Variants in PLA2G2D observed in about 807,000 individuals in gnomAD.
The protein encoded by PLA2G2D is group IID secretory phospholipase A2.
A neutral mutation model predicts 13.9 loss-of-function variants in PLA2G2D; 17 were observed. The ratio of observed to expected loss-of-function variants is 1.23; its 90% CI spans 0.84 to 1.84. PLA2G2D has a LOEUF of 1.84. Ranked by LOEUF, PLA2G2D falls within the 40% of genes most tolerant of loss-of-function variation. The probability of loss-of-function intolerance (pLI) is 0.00; values close to 1 mark genes in which losing one functional copy is unlikely to be tolerated. For missense variants in PLA2G2D, 194 were observed against 178.7 expected (o/e 1.09, Z -0.49); for synonymous variants, 83 against 69.3 (o/e 1.20, Z -0.98).
intron 3 of PLA2G2D, among the ~76,000 whole-genome samples, chr1:20,114,587 T>C (rs1032002143): frequency 1.1e-4 from 16 of 152,116 alleles, no homozygotes; most frequent in African/African-American, 3.4e-4. Flanking sequence ...AAAGTTAACA[T>C]GAGGAACCAT....
chr1:20,119,416 C>G, intron 1 of PLA2G2D, 43 bp downstream of exon 1: 12 of 1,548,696 alleles, frequency 7.7e-6, no homozygotes, highest in Non-Finnish European at 9.8e-6. Flanking sequence ...GTACACTGGC[C>G]TCCCTCCTTC....
chr1:20,116,471 A>T lies in PLA2G2D; in HGVS notation c.47T>A (p.Ile16Asn). 6.2e-7 allele frequency: 1 copy of T among 1,614,124 alleles called. No individual in the cohort carries two copies. Among genetic ancestry groups the T allele is most frequent in the South Asian group, 1.1e-5 (1 of 91,080 alleles). Residue 16 changes from isoleucine (I) to asparagine (N), a missense_variant, in exon 2 of 4, where the codon ATT (isoleucine) becomes AAT (asparagine). Physicochemically the swap from Ile to Asn is moderately radical, Grantham distance 149. Transcript: ENST00000375105. Reference sequence around the variant, plus strand: ...GTTCAGGATCCCGCCCTGGATTGGAATCACACCTGCCAAGCAGCCCAGCAA... The same window carrying T: ...GTTCAGGATCCCGCCCTGGATTGGATTCACACCTGCCAAGCAGCCCAGCAA... ...LCGLVVMAGV[I>N]PIQGGILNLN...
At chr1:20,119,396 G>C (rs2017048166) in intron 1 of PLA2G2D, 63 bp downstream of exon 1, 4 of 1,392,812 alleles carry the variant, frequency 2.9e-6, no homozygotes, top group Non-Finnish European at 4.1e-6. Context: ...CTGGGAAAGA[G>C]AGCACAGGGG....
In PLA2G2D at chr1:20,115,611, C is replaced by T; in HGVS notation, c.188G>A (p.Cys63Tyr). The T allele has an allele frequency of 6.2e-7, 1 of 1,601,086 alleles. No homozygotes were observed. ...RGQPKDATDW[C>Y]CQTHDCCYDH... The stretch of plus-strand genomic sequence containing the variant: ...ATAGCAGCAGTCATGGGTCTGGCAG[C>T]ACCTGGAGCAGACAGGGTGCACAGC... Residue 63 changes from cysteine to tyrosine, a missense_variant and splice_region_variant, in exon 3 of 4, where the codon TGC becomes TAC. Physicochemically the swap from Cys to Tyr is radical, Grantham distance 194. Coordinates refer to ENST00000375105, the MANE Select transcript of PLA2G2D (RefSeq NM_012400.4).
rs549792680 is a variant in PLA2G2D, at chr1:20,117,121, C to T, written c.41-644G>A. Among the ~76,000 whole-genome samples, 8 of 152,234 alleles carry T rather than the reference C, an allele frequency of 5.3e-5. No homozygotes were observed. In the South Asian group the frequency reaches 1.7e-3, roughly 32 times the overall value. Reference sequence around the variant, plus strand: ...AAAAAAGTTGCAAAGATAGAAAGCTCCTGTATACCCCTCAGCCAATTTCCT... The same window carrying T: ...AAAAAAGTTGCAAAGATAGAAAGCTTCTGTATACCCCTCAGCCAATTTCCT... On this transcript the variant is annotated intron_variant, in intron 1 of 3. Coordinates refer to ENST00000375105, the MANE Select transcript of PLA2G2D (RefSeq NM_012400.4).
rs56009438 is a variant in PLA2G2D, at chr1:20,113,812, A to G, written c.*302T>C. On this transcript the variant is annotated 3_prime_UTR_variant, in exon 4 of 4. Coordinates refer to ENST00000375105, the MANE Select transcript of PLA2G2D (RefSeq NM_012400.4). Reference sequence around the variant, plus strand: ...GGTGAGGAAGGACAAGGGGGCCAGCAGGTGGGGGACAGCGGCAGACCCCTC... The same window carrying G: ...GGTGAGGAAGGACAAGGGGGCCAGCGGGTGGGGGACAGCGGCAGACCCCTC... 0.08 allele frequency: 26,365 copies of G among 328,380 alleles called. 1,893 individuals carry two copies. Among genetic ancestry groups the G allele is most frequent in the African/African-American group, 0.24 (11,307 of 47,132 alleles). 20.3% of individuals were successfully genotyped at this position (328,380 alleles called of 1,614,324 possible). A position where few individuals can be genotyped will look rare whatever the true frequency, so the allele number is the denominator to read the frequency against.
rs2016968555 is a variant in PLA2G2D at position 20,115,552 on chromosome 1, T to TG, written c.246dup (p.Lys83GlnfsTer17). ...GAAAAGTTGTATCTGTAATAGTCCT[T>TG]GTAGATGCTGCACCCCTGGGTCTTC... On this transcript the variant is annotated frameshift_variant, in exon 3 of 4. Coordinates refer to ENST00000375105, the MANE Select transcript of PLA2G2D (RefSeq NM_012400.4). LOFTEE classifies it low-confidence loss of function (END_TRUNC). The TG allele has an allele frequency of 6.2e-7, 1 of 1,612,636 alleles. No homozygotes were observed.
intron 1 of PLA2G2D, among the ~76,000 whole-genome samples, chr1:20,118,039 C>T (rs2017024447): frequency 6.6e-6 from 1 of 152,118 alleles, no homozygotes; most frequent in East Asian, 1.9e-4. Context: ...ACTTGCTAAG[C>T]TTTGGCTGCA....
At position 20,114,060 on chromosome 1, in the gene PLA2G2D, G is replaced by A; in HGVS notation, c.*54C>T. The A allele has an allele frequency of 6.4e-7, 1 of 1,558,720 alleles. No homozygotes were observed. The highest frequency in any genetic ancestry group is 2.3e-5 in the East Asian group (1 of 44,270). On this transcript the variant is annotated 3_prime_UTR_variant, in exon 4 of 4. Coordinates refer to ENST00000375105, the MANE Select transcript of PLA2G2D (RefSeq NM_012400.4). ...GCCAGGCTGGTTCAGGTTAGATACT[G>A]AGGTGGGGATGCCAGAGCTCCATGC...
intron 3 of PLA2G2D, among the ~76,000 whole-genome samples, 167 bp from the exon 4 acceptor site, chr1:20,114,426 T>A (rs1472298981): frequency 1.3e-5 from 2 of 152,252 alleles, no homozygotes. Context: ...GTGACCTCCC[T>A]GTGTGCCATT....
At chr1:20,117,697 G>T (rs1021289942) in intron 1 of PLA2G2D, among the ~76,000 whole-genome samples, 1 of 152,122 alleles carries the variant, frequency 6.6e-6, no homozygotes, top group Non-Finnish European at 1.5e-5. Flanking sequence ...GGGAGCACAC[G>T]TCCCGATGGA....
chr1:20,118,254 C>T (rs2017027573), intron 1 of PLA2G2D, among the ~76,000 whole-genome samples: 2 of 152,104 alleles, frequency 1.3e-5, no homozygotes, highest in Admixed American at 6.5e-5. Flanking sequence ...CTCAGAAATA[C>T]ATAAACTGAA....
rs62541905 is a variant in PLA2G2D at position 20,113,825 on chromosome 1, C to T, written c.*289G>A. 2.3e-3 allele frequency: 794 copies of T among 347,644 alleles called. 2 individuals carry two copies. The highest frequency in any genetic ancestry group is 0.015 in the African/African-American group (717 of 47,812). 21.5% of individuals were successfully genotyped at this position (347,644 alleles called of 1,614,324 possible). A position where few individuals can be genotyped will look rare whatever the true frequency, so the allele number is the denominator to read the frequency against. Reference sequence around the variant, plus strand: ...AAGGGGGCCAGCAGGTGGGGGACAGCGGCAGACCCCTCCCCCACCCCGATG... The same window carrying T: ...AAGGGGGCCAGCAGGTGGGGGACAGTGGCAGACCCCTCCCCCACCCCGATG... On this transcript the variant is annotated 3_prime_UTR_variant, in exon 4 of 4. Coordinates refer to ENST00000375105, the MANE Select transcript of PLA2G2D (RefSeq NM_012400.4).
rs1409215573 is a variant in PLA2G2D at position 20,114,012 on chromosome 1, C to G, written c.*102G>C. 1 of 1,082,138 alleles carries G rather than the reference C, an allele frequency of 9.2e-7. No homozygotes were observed. The highest frequency in any genetic ancestry group is 1.6e-5 in the African/African-American group (1 of 63,202). The allele number at this position is 1,082,138 out of a possible 1,614,324, so 67.0% of individuals were successfully genotyped here. A position where few individuals can be genotyped will look rare whatever the true frequency, so the allele number is the denominator to read the frequency against. On this transcript the variant is annotated 3_prime_UTR_variant, in exon 4 of 4. Coordinates refer to ENST00000375105, the MANE Select transcript of PLA2G2D (RefSeq NM_012400.4). Reference sequence around the variant, plus strand: ...AGGGTTCCGGGGGAGGCTGGGACTACCTCCCCCCGGAGTGTTTGAAAAGCC... The same window carrying G: ...AGGGTTCCGGGGGAGGCTGGGACTAGCTCCCCCCGGAGTGTTTGAAAAGCC...
intron 1 of PLA2G2D, 60 bp from the exon 2 acceptor site, chr1:20,116,537 G>T: frequency 6.4e-7 from 1 of 1,561,750 alleles, no homozygotes; most frequent in East Asian, 2.2e-5. Context: ...CAGCGCCAAT[G>T]GGCACAGGAC....
At position 20,116,397 on chromosome 1, in the gene PLA2G2D, A is replaced by C. The variant is rs1424714641; in HGVS notation, c.121T>G (p.Tyr41Asp). The C allele has an allele frequency of 6.2e-7, 1 of 1,614,166 alleles. No homozygotes were observed. The highest frequency in any genetic ancestry group is 8.5e-7 in the Non-Finnish European group (1 of 1,179,988). The change falls in exon 2 of 4, where the codon TAC (tyrosine) becomes GAC (aspartate). Residue 41 changes from tyrosine to aspartate, a missense_variant. Tyr to Asp is a radical substitution (Grantham distance 160). Coordinates refer to ENST00000375105, the MANE Select transcript of PLA2G2D (RefSeq NM_012400.4). Reference sequence around the variant, plus strand: ...CCGCAGTGACAGCCGTAGGGCCAGTAGGAGAGGATGGGCATTTTCCCAGTC... The same window carrying C: ...CCGCAGTGACAGCCGTAGGGCCAGTCGGAGAGGATGGGCATTTTCCCAGTC... ...QVTGKMPILS[Y>D]WPYGCHCGLG...
At position 20,113,326 on chromosome 1, in the gene PLA2G2D, TTCCAGAAA is replaced by T. The variant is rs2016923334; in HGVS notation, c.*780_*787del. On this transcript the variant is annotated 3_prime_UTR_variant, in exon 4 of 4. Transcript: ENST00000375105. ...GGAGAAGGAGTCAGCCTGGGGAGAC[TTCCAGAAA>T]GTAGCCCTTTGACCCTGAGGAGGTG... 1 of 151,936 alleles carries T rather than the reference TTCCAGAAA, an allele frequency of 6.6e-6. No homozygotes were observed. Among genetic ancestry groups the T allele is most frequent in the African/African-American group, 2.4e-5 (1 of 41,280 alleles). 9.4% of individuals were successfully genotyped at this position (151,936 alleles called of 1,614,324 possible).
At position 20,113,929 on chromosome 1, in the gene PLA2G2D, G is replaced by A; in HGVS notation, c.*185C>T. 1 of 535,200 alleles carries A rather than the reference G, an allele frequency of 1.9e-6. No homozygotes were observed. The allele number at this position is 535,200 out of a possible 1,614,324, so 33.2% of individuals were successfully genotyped here. ...TTCCCATCCACCCTCAGAGGACACAGCTACTGCCTCAACTGGGAGGATTCG... is the reference window on the plus strand; with the variant it reads ...TTCCCATCCACCCTCAGAGGACACAACTACTGCCTCAACTGGGAGGATTCG... On this transcript the variant is annotated 3_prime_UTR_variant, in exon 4 of 4. Coordinates refer to ENST00000375105, the MANE Select transcript of PLA2G2D (RefSeq NM_012400.4).
At position 20,114,093 on chromosome 1, in the gene PLA2G2D, C is replaced by T. The variant is rs1201194556; in HGVS notation, c.*21G>A. 6.2e-7 allele frequency: 1 copy of T among 1,605,328 alleles called. No individual in the cohort carries two copies. Among genetic ancestry groups the T allele is most frequent in the African/African-American group, 1.3e-5 (1 of 74,652 alleles). On this transcript the variant is annotated 3_prime_UTR_variant, in exon 4 of 4. Transcript: ENST00000375105. ...GATGCCAGAGCTCCATGCTGAGGAA[C>T]AGGGTAGAGGGTGTGGGCTTCTAGC...
Sources: gnomAD v4.1 joint callset for allele counts (sites outside exome capture counted in the v4.1 genomes callset) on GRCh38, gnomAD v4.1.1 for gene constraint, MANE v1.5 for transcripts, NCBI Gene and HGNC (gene_info 2026-07-23, HGNC 2026-07-21) for gene names.